DDX1: variants seen among roughly 807,000 people sequenced by gnomAD.
DDX1 encodes the protein ATP-dependent RNA helicase DDX1.
In DDX1, 28 loss-of-function variants were observed where a neutral mutation model predicts 108.7. That is an observed-to-expected ratio of 0.26 (90% CI 0.19 to 0.35). The LOEUF (loss-of-function observed/expected upper bound fraction) is 0.35, where lower values mean the gene tolerates loss of function less well. Among genes scored for constraint, DDX1 ranks in the 10% least tolerant of loss-of-function variants. DDX1 has a pLI of 1.00. For synonymous variants in DDX1, 295 were observed against 288.9 expected, an observed-to-expected ratio of 1.02 and a Z score of -0.21; for missense variants, 710 against 884.5, an observed-to-expected ratio of 0.80 and a Z score of 2.50.
chr2:15,622,277 T>C (rs1666025070), intron 18 of DDX1, among the ~76,000 whole-genome samples: 1 of 152,234 alleles, frequency 6.6e-6, no homozygotes, highest in Admixed American at 6.5e-5. Context: ...TCCAGAACTT[T>C]TTCATCTTCT....
chr2:15,622,335 C>T (rs550263019), intron 18 of DDX1, among the ~76,000 whole-genome samples: 39 of 152,284 alleles, frequency 2.6e-4, no homozygotes, highest in African/African-American at 9.4e-4. Context: ...TTTAAAAAGC[C>T]TAACATTAAA....
At chr2:15,618,383 G>T in intron 16 of DDX1, 113 bp downstream of exon 16, 1 of 628,588 alleles carries the variant, frequency 1.6e-6, no homozygotes, top group Admixed American at 2.2e-5. Flanking sequence ...GGCTAGTGAT[G>T]CCCTTGCCCG....
intron 13 of DDX1, among the ~76,000 whole-genome samples, chr2:15,609,489 CCTTA>C (rs1029335891): frequency 3.3e-5 from 5 of 152,206 alleles, no homozygotes; most frequent in Non-Finnish European, 7.3e-5. Flanking sequence ...TGTTACTTTT[CCTTA>C]CTTTTTAATT....
intron 13 of DDX1, among the ~76,000 whole-genome samples, chr2:15,609,542 T>C (rs936530487): frequency 5.2e-5 from 8 of 152,382 alleles, no homozygotes; most frequent in Admixed American, 2.0e-4. Flanking sequence ...TATACTTGCT[T>C]TAAGTTTCTT....
chr2:15,623,296 A>G (rs939778353), intron 18 of DDX1, 140 bp from the exon 19 acceptor site: 2 of 685,394 alleles, frequency 2.9e-6, no homozygotes, highest in Non-Finnish European at 2.4e-6. Flanking sequence ...TCTTGTCCTT[A>G]TCTATATATA....
intron 13 of DDX1, among the ~76,000 whole-genome samples, chr2:15,608,573 G>T (rs1665703613): frequency 6.8e-6 from 1 of 147,122 alleles, no homozygotes. Flanking sequence ...TTGGTTTTTA[G>T]TATATTCACA....
chr2:15,595,551 A>C lies in DDX1; in HGVS notation c.130A>C (p.Met44Leu). The change falls in exon 3 of 26, where the codon ATG becomes CTG. Residue 44 changes from methionine (M) to leucine (L), a missense_variant and splice_region_variant. Around this residue, in one of 3 missense-constraint regions of DDX1, gnomAD observed 48 missense variants for 57.5 expected, o/e 0.83. Transcript: ENST00000233084. ...PLILGGGDVL[M>L]AAETGSGKTG... is the part of the protein sequence containing the mutation. ...GATCTTAGGAGGAGGTGATGTACTT[A>C]TGGTAAGTTTAAATTTGGTGAGGTG... is the stretch of plus-strand genomic sequence containing the variant. 1 of 1,605,674 alleles carries C rather than the reference A, an allele frequency of 6.2e-7. No homozygotes were observed. Among genetic ancestry groups the C allele is most frequent in the Admixed American group, 1.7e-5 (1 of 60,016 alleles).
At chr2:15,624,397 A>G (rs900810232) in intron 19 of DDX1, among the ~76,000 whole-genome samples, 11 of 152,210 alleles carry the variant, frequency 7.2e-5, no homozygotes, top group African/African-American at 2.7e-4. Context: ...TTATGCTGCT[A>G]TGAAGAACTG....
At position 15,603,821 on chromosome 2, in the gene DDX1, C is replaced by T; in HGVS notation, c.483C>T (p.Asp161=). ...AATATTTTTTAAATCTAGGTACTGA[C>T]AAGTTTGGATTTGGCTTTGGTGGAA... ...TMQASLDLGT[D]KFGFGFGGTG... The change falls in exon 9 of 26, where the codon GAC becomes GAT. Residue 161 remains aspartate (D), a synonymous_variant. Transcript: ENST00000233084. The T allele has an allele frequency of 1.9e-6, 3 of 1,606,558 alleles. No individual in the cohort carries two copies. The highest frequency in any genetic ancestry group is 2.6e-6 in the Non-Finnish European group (3 of 1,175,754).
chr2:15,613,565 A>C (rs1665838788), intron 14 of DDX1, among the ~76,000 whole-genome samples: 1 of 152,212 alleles, frequency 6.6e-6, no homozygotes, highest in African/African-American at 2.4e-5. Context: ...GTAAAGAGTC[A>C]TTCTTTTTGG....
At chr2:15,613,783 G>A (rs1455410556) in intron 14 of DDX1, among the ~76,000 whole-genome samples, 2 of 151,954 alleles carry the variant, frequency 1.3e-5, no homozygotes, top group Non-Finnish European at 2.9e-5. Context: ...CCATTACGAA[G>A]GACAAAGCTA....
At chr2:15,605,425 G>A (rs115248903) in intron 10 of DDX1, among the ~76,000 whole-genome samples, 7 of 152,286 alleles carry the variant, frequency 4.6e-5, no homozygotes, top group Non-Finnish European at 7.4e-5. Flanking sequence ...GTTCAGTGCT[G>A]CGGATGGGTC....
intron 14 of DDX1, among the ~76,000 whole-genome samples, 168 bp downstream of exon 14, chr2:15,613,452 G>T (rs1316440171): frequency 6.6e-6 from 1 of 152,184 alleles, no homozygotes; most frequent in Non-Finnish European, 1.5e-5. Context: ...TCTCCTGGAA[G>T]TATACAAAGT....
At chr2:15,619,616 A>G (rs962712296) in intron 16 of DDX1, among the ~76,000 whole-genome samples, 2 of 152,220 alleles carry the variant, frequency 1.3e-5, no homozygotes, top group African/African-American at 2.4e-5. Flanking sequence ...ATTTATTACT[A>G]TGTAAAATGT....
intron 16 of DDX1, 92 bp from the exon 17 acceptor site, chr2:15,620,116 G>A (rs1037257808): frequency 2.6e-6 from 3 of 1,175,826 alleles, no homozygotes; most frequent in South Asian, 2.6e-5. Flanking sequence ...TGGAGTCTAG[G>A]CTAGCACACT....
chr2:15,596,500 A>C lies in DDX1; in HGVS notation c.133-234A>C, dbSNP rs577093119. Among the ~76,000 whole-genome samples, 49 of 152,234 alleles carry C rather than the reference A, an allele frequency of 3.2e-4. 1 individual carries two copies. Among genetic ancestry groups the C allele is most frequent in the East Asian group, 1.5e-3 (8 of 5,176 alleles). On this transcript the variant is annotated intron_variant, in intron 3 of 25. Transcript: ENST00000233084. ...TAATAATCTAGATTAGAATGATGAG[A>C]GCTTCCGTTTGAATGGTAGCAATGG...
At chr2:15,595,286 G>A in intron 2 of DDX1, 90 bp downstream of exon 2, 1 of 1,197,820 alleles carries the variant, frequency 8.3e-7, no homozygotes, top group Non-Finnish European at 1.2e-6. Flanking sequence ...TTTGTGTCTA[G>A]TTGGGTAAGT....
chr2:15,624,608 A>C (rs933641503), intron 19 of DDX1, among the ~76,000 whole-genome samples: 7 of 152,144 alleles, frequency 4.6e-5, no homozygotes, highest in Non-Finnish European at 1.0e-4. Flanking sequence ...AACCACCCAC[A>C]TGATTCTATT....
intron 9 of DDX1, 105 bp downstream of exon 9, chr2:15,603,995 G>T (rs2148739501): frequency 1.4e-6 from 1 of 719,608 alleles, no homozygotes; most frequent in Non-Finnish European, 2.2e-6. Flanking sequence ...AAAATGAGCA[G>T]ATTTTCTGTA....
Sources: gnomAD v4.1 joint callset for allele counts (sites outside exome capture counted in the v4.1 genomes callset) on GRCh38, gnomAD v4.1.1 for gene constraint, gnomAD v4.1.1 regional missense constraint, MANE v1.5 for transcripts, NCBI Gene and HGNC (gene_info 2026-07-23, HGNC 2026-07-21) for gene names.